RALGDS: variants seen among roughly 807,000 people sequenced by gnomAD.
RALGDS encodes ral guanine nucleotide dissociation stimulator, also known as ral guanine nucleotide exchange factor.
Under a neutral mutation model 99.8 loss-of-function variants are expected in RALGDS, and 44 were observed. The ratio of observed to expected loss-of-function variants is 0.44; its 90% CI spans 0.35 to 0.57. The LOEUF (loss-of-function observed/expected upper bound fraction) is 0.57. Among genes scored for constraint, RALGDS ranks in the 20% least tolerant of loss-of-function variants. The pLI is 0.01. For synonymous variants in RALGDS, 529 were observed against 505.0 expected (o/e 1.05, Z -0.64); for missense variants, 1,022 against 1,203.1 (o/e 0.85, Z 2.23).
At chr9:133,123,149 G>T (rs1488673987), upstream of RALGDS, among the ~76,000 whole-genome samples, 1 of 152,116 alleles carries the variant, frequency 6.6e-6, no homozygotes, top group African/African-American at 2.4e-5. Flanking sequence ...TCCCCACAGG[G>T]CCACAAAGAG....
At chr9:133,149,052 C>T in exon 1 of RALGDS, 2 of 1,369,528 alleles carry the variant, frequency 1.5e-6, no homozygotes, top group Non-Finnish European at 1.9e-6. Context: ...CGCCTGGGCC[C>T]GCGCGCGGCG....
chr9:133,122,849 C>T (rs1831997077), upstream of RALGDS, among the ~76,000 whole-genome samples: 1 of 152,106 alleles, frequency 6.6e-6, no homozygotes, highest in African/African-American at 2.4e-5. Flanking sequence ...GGATTATAGG[C>T]ACCTGCCACC....
chr9:133,121,200 G>GGGCGGC lies in RALGDS; in HGVS notation c.-52_-47dup, dbSNP rs1831925340. ...GCGGGGCCGGCCCGGCGCGCGGCGG[G>GGGCGGC]GGCGGCGGCGCGGCCCGCGCGGCTG... On this transcript the variant is annotated 5_prime_UTR_variant, in exon 1 of 18. Transcript: ENST00000372050. 8 of 884,970 alleles carry GGGCGGC rather than the reference G, an allele frequency of 9.0e-6. No homozygotes were observed. Among genetic ancestry groups the GGGCGGC allele is most frequent in the Non-Finnish European group, 1.1e-5 (8 of 740,550 alleles). 54.8% of individuals were successfully genotyped at this position (884,970 alleles called of 1,614,324 possible). A position where few individuals can be genotyped will look rare whatever the true frequency, so the allele number is the denominator to read the frequency against.
intron 2 of RALGDS, among the ~76,000 whole-genome samples, chr9:133,110,982 C>T (rs1355292094): frequency 6.6e-6 from 1 of 152,054 alleles, no homozygotes; most frequent in Non-Finnish European, 1.5e-5. Flanking sequence ...GTGAGAAGAT[C>T]GCTTGAGCCC....
intron 1 of RALGDS, among the ~76,000 whole-genome samples, chr9:133,113,497 A>G (rs1161297509): frequency 6.6e-6 from 1 of 152,208 alleles, no homozygotes; most frequent in African/African-American, 2.4e-5. Context: ...GCCTCTGGAC[A>G]GAGAGCCAGC....
chr9:133,108,385 A>T lies in RALGDS; in HGVS notation c.800T>A (p.Leu267Gln). 6.5e-7 allele frequency: 1 copy of T among 1,537,074 alleles called. No individual in the cohort carries two copies. The highest frequency in any genetic ancestry group is 8.7e-7 in the Non-Finnish European group (1 of 1,146,884). The change falls in exon 6 of 18, where the codon CTA becomes CAA. Residue 267 changes from leucine to glutamine, a missense_variant. Leu to Gln is a moderately radical substitution (Grantham distance 113). Coordinates refer to ENST00000372050, the MANE Select transcript of RALGDS (RefSeq NM_006266.4). ...EPEALSPVPA[L>Q]KPTPELELAL... is the part of the protein sequence containing the mutation. ...TAGCTCGAGCTCTGGAGTTGGTTTT[A>T]GAGCTGGCACTGGTGACAGAGCTGC...
chr9:133,148,882 C>A, intron 1 of RALGDS: 2 of 1,525,884 alleles, frequency 1.3e-6, no homozygotes, highest in Non-Finnish European at 1.8e-6. Flanking sequence ...GCGCCGGGCT[C>A]CCTCCCCCCG....
chr9:133,099,941 C>T (rs1830676875), intron 17 of RALGDS: 2 of 395,834 alleles, frequency 5.1e-6, no homozygotes, highest in Non-Finnish European at 9.6e-6. Context: ...CTTTGTAGAG[C>T]ACATGTTTTC....
upstream of RALGDS, among the ~76,000 whole-genome samples, chr9:133,123,142 C>A (rs1452955447): frequency 6.6e-6 from 1 of 152,104 alleles, no homozygotes; most frequent in Admixed American, 6.6e-5. Flanking sequence ...CAGGAGGTCC[C>A]CACAGGGCCA....
At chr9:133,131,593 G>A (rs1202831683), upstream of RALGDS, among the ~76,000 whole-genome samples, 3 of 152,056 alleles carry the variant, frequency 2.0e-5, no homozygotes, top group Non-Finnish European at 4.4e-5. Context: ...CACCATCCCT[G>A]CCCCAGCCAC....
chr9:133,147,700 C>T (rs1005247478), intron 1 of RALGDS, among the ~76,000 whole-genome samples: 6 of 152,232 alleles, frequency 3.9e-5, no homozygotes, highest in Non-Finnish European at 5.9e-5. Context: ...GTGGCCGGCA[C>T]TAGCACAGCA....
At chr9:133,117,269 T>C (rs1480430055) in intron 1 of RALGDS, among the ~76,000 whole-genome samples, 1 of 152,238 alleles carries the variant, frequency 6.6e-6, no homozygotes, top group Admixed American at 6.5e-5. Context: ...AGAGCTGGCA[T>C]CATGTCCATT....
chr9:133,102,160 G>A (rs767548131), intron 14 of RALGDS, 21 bp from the exon 15 acceptor site: 11 of 1,552,678 alleles, frequency 7.1e-6, no homozygotes, highest in African/African-American at 1.4e-5. Context: ...AGTTGGCTTA[G>A]TTAAGGGGGC....
chr9:133,123,010 G>GA (rs1564247010), upstream of RALGDS, among the ~76,000 whole-genome samples: 1 of 148,340 alleles, frequency 6.7e-6, no homozygotes, highest in Admixed American at 6.7e-5. Context: ...GCCTGTTTTT[G>GA]TTTTTTTTTT....
chr9:133,148,280 T>C (rs1050718923), intron 1 of RALGDS, among the ~76,000 whole-genome samples: 1 of 152,182 alleles, frequency 6.6e-6, no homozygotes, highest in African/African-American at 2.4e-5. Context: ...TTTTCCTGCT[T>C]CCAGGTGATC....
chr9:133,118,870 C>T (rs970956230), intron 1 of RALGDS, among the ~76,000 whole-genome samples: 2 of 152,204 alleles, frequency 1.3e-5, no homozygotes, highest in African/African-American at 4.8e-5. Context: ...GACTTCCCTT[C>T]TCTGACCCCC....
At chr9:133,138,458 C>A (rs1056018466) in intron 1 of RALGDS, among the ~76,000 whole-genome samples, 2 of 152,186 alleles carry the variant, frequency 1.3e-5, no homozygotes, top group African/African-American at 4.8e-5. Flanking sequence ...TGCCCAGGGA[C>A]CCTCCAAGAG....
At chr9:133,099,309 G>C (rs867140078) in intron 17 of RALGDS, 1 of 157,464 alleles carries the variant, frequency 6.4e-6, no homozygotes, top group African/African-American at 2.4e-5. Flanking sequence ...TGCCGACATC[G>C]TGTGGCTTTT....
chr9:133,145,746 A>G (rs952120020), intron 1 of RALGDS, among the ~76,000 whole-genome samples: 1 of 152,174 alleles, frequency 6.6e-6, no homozygotes, highest in Non-Finnish European at 1.5e-5. Flanking sequence ...TGTGCCTTTC[A>G]GGGCCTCCCC....
Sources: gnomAD v4.1 joint callset for allele counts (sites outside exome capture counted in the v4.1 genomes callset) on GRCh38, gnomAD v4.1.1 for gene constraint, MANE v1.5 for transcripts, NCBI Gene and HGNC (gene_info 2026-07-23, HGNC 2026-07-21) for gene names.